The following PCYOX1 variants were observed in gnomAD, a reference collection of about 807,000 sequenced individuals.
PCYOX1 encodes the protein prenylcysteine lyase.
In PCYOX1, 46 loss-of-function variants were observed where a neutral mutation model predicts 46.4. That is an observed-to-expected ratio of 0.99 (90% confidence interval 0.78 to 1.27). PCYOX1 has a LOEUF of 1.27. Ranked by LOEUF, PCYOX1 falls within the 50% of genes most tolerant of loss-of-function variation. The pLI, the probability that PCYOX1 is intolerant of heterozygous loss-of-function variation, is 0.00. For missense variants in PCYOX1, 658 were observed against 628.3 expected (o/e 1.05, Z -0.51); for synonymous variants, 220 against 231.8 (o/e 0.95, Z 0.46).
chr2:70,261,521 A>T (rs1429932876), intron 3 of PCYOX1, 135 bp downstream of exon 3: 1 of 626,898 alleles, frequency 1.6e-6, no homozygotes, highest in African/African-American at 1.8e-5. Context: ...ATTGTTAGGC[A>T]AAATGTTTTG....
chr2:70,268,447 T>TGAC (rs1220658198), intron 3 of PCYOX1, among the ~76,000 whole-genome samples: 4 of 152,148 alleles, frequency 2.6e-5, no homozygotes, highest in African/African-American at 9.6e-5. Flanking sequence ...ACTCAGAATG[T>TGAC]GACTGCATAT....
chr2:70,276,467 A>G (rs956112176), intron 5 of PCYOX1, among the ~76,000 whole-genome samples: 2 of 152,164 alleles, frequency 1.3e-5, no homozygotes, highest in African/African-American at 4.8e-5. Flanking sequence ...CGGCCTCCCA[A>G]AGTGCTGAGA....
chr2:70,271,322 C>T (rs1696598120), intron 3 of PCYOX1, among the ~76,000 whole-genome samples: 1 of 148,796 alleles, frequency 6.7e-6, no homozygotes, highest in Non-Finnish European at 1.5e-5. Context: ...TCAATGAGAC[C>T]AAATAGTTCA....
At chr2:70,261,120 A>G (rs1470212863) in intron 2 of PCYOX1, 92 bp from the exon 3 acceptor site, 1 of 734,282 alleles carries the variant, frequency 1.4e-6, no homozygotes, top group African/African-American at 1.8e-5. Context: ...GTCTCCTGAG[A>G]ACTGAGGGAA....
intron 3 of PCYOX1, among the ~76,000 whole-genome samples, chr2:70,262,816 G>C (rs1361104787): frequency 6.6e-6 from 1 of 152,070 alleles, no homozygotes; most frequent in Non-Finnish European, 1.5e-5. Context: ...ACAGTTTTAG[G>C]TACTGGAGGC....
At chr2:70,268,703 G>A (rs187781800) in intron 3 of PCYOX1, among the ~76,000 whole-genome samples, 56 of 151,976 alleles carry the variant, frequency 3.7e-4, no homozygotes, top group African/African-American at 1.2e-3. Flanking sequence ...GGAAGGCTGA[G>A]GCAAGAGAAT....
At chr2:70,258,916 C>T (rs1466700422) in intron 1 of PCYOX1, among the ~76,000 whole-genome samples, 1 of 152,208 alleles carries the variant, frequency 6.6e-6, no homozygotes, top group Non-Finnish European at 1.5e-5. Context: ...GTCTCCCTCC[C>T]GCCCCCCTTT....
At chr2:70,260,800 CTGTAGA>C (rs1696424629) in intron 2 of PCYOX1, among the ~76,000 whole-genome samples, 1 of 152,196 alleles carries the variant, frequency 6.6e-6, no homozygotes, top group African/African-American at 2.4e-5. Flanking sequence ...TCCACATCCT[CTGTAGA>C]TGCTGCCTCT....
rs1696689894 is a variant in PCYOX1 at position 70,277,494 on chromosome 2, TATC to T, written c.*105_*107del. 4.2e-6 allele frequency: 4 copies of T among 956,030 alleles called. No homozygotes were observed. The Admixed American group carries it at 7.3e-5, about 17-fold the overall frequency. The allele number at this position is 956,030 out of a possible 1,614,324, so 59.2% of individuals were successfully genotyped here. On this transcript the variant is annotated 3_prime_UTR_variant, in exon 6 of 6. Transcript: ENST00000433351. ...GATTTTGAACCAGATATTTTGCCAT[TATC>T]ATTGTTTAATAAAAGTAATCCCTGC...
intron 3 of PCYOX1, among the ~76,000 whole-genome samples, chr2:70,262,237 C>T (rs1490068403): frequency 6.6e-6 from 1 of 152,050 alleles, no homozygotes; most frequent in Non-Finnish European, 1.5e-5. Context: ...TCGATATTGG[C>T]TCACTGCAAC....
intron 4 of PCYOX1, 95 bp downstream of exon 4, chr2:70,275,265 C>T (rs1696654290): frequency 9.1e-7 from 1 of 1,095,656 alleles, no homozygotes; most frequent in Admixed American, 1.8e-5. Context: ...GGATTGGAGG[C>T]TACTTTTCTC....
At chr2:70,262,655 ATT>A (rs1210348206) in intron 3 of PCYOX1, among the ~76,000 whole-genome samples, 1 of 150,586 alleles carries the variant, frequency 6.6e-6, no homozygotes, top group Non-Finnish European at 1.5e-5. Flanking sequence ...AATTTTTTGT[ATT>A]TTTAGTAGAG....
intron 3 of PCYOX1, among the ~76,000 whole-genome samples, chr2:70,265,794 C>T (rs1232032104): frequency 6.6e-6 from 1 of 152,098 alleles, no homozygotes; most frequent in Non-Finnish European, 1.5e-5. Flanking sequence ...TTGTAAGATC[C>T]TTAACACTTC....
Position 70,277,214 on chromosome 2 carries a change from C to A in PCYOX1, c.1340C>A (p.Ser447Tyr), listed in dbSNP as rs750436202. Residue 447 changes from serine (S) to tyrosine (Y), a missense_variant, in exon 6 of 6, where the codon TCT becomes TAT. By Grantham distance (144) the Ser-to-Tyr change is moderately radical (BLOSUM62 -2). Transcript: ENST00000433351. ...TATAAGCCCCCGGAGAAATGCCCCT[C>A]TATCATTCTCCATGATCGACTTTAT... ...PHYKPPEKCP[S>Y]IILHDRLYYL... 6.2e-7 allele frequency: 1 copy of A among 1,614,006 alleles called. No individual in the cohort carries two copies. Among genetic ancestry groups the A allele is most frequent in the African/African-American group, 1.3e-5 (1 of 74,932 alleles).
intron 3 of PCYOX1, among the ~76,000 whole-genome samples, chr2:70,267,855 A>G (rs1419368496): frequency 6.6e-6 from 1 of 152,088 alleles, no homozygotes; most frequent in Non-Finnish European, 1.5e-5. Context: ...TCTGTCACCC[A>G]GGCTGGAGTG....
chr2:70,260,165 G>A (rs1007001549), intron 2 of PCYOX1, among the ~76,000 whole-genome samples: 3 of 152,204 alleles, frequency 2.0e-5, no homozygotes, highest in African/African-American at 7.2e-5. Flanking sequence ...ATCAGAGAAG[G>A]TTTGGAGATA....
intron 4 of PCYOX1, 103 bp downstream of exon 4, chr2:70,275,273 C>T: frequency 1.9e-6 from 2 of 1,027,492 alleles, no homozygotes. Context: ...GGCTACTTTT[C>T]TCTGTGAACC....
chr2:70,274,568 C>CT (rs201522757), intron 3 of PCYOX1, among the ~76,000 whole-genome samples: 7,627 of 94,320 alleles, frequency 0.081, 258 homozygotes, highest in East Asian at 0.22. Context: ...TTTTTTTTTT[C>CT]TTTTTTTTTT....
At chr2:70,266,981 C>G (rs546121832) in intron 3 of PCYOX1, among the ~76,000 whole-genome samples, 16 of 152,178 alleles carry the variant, frequency 1.1e-4, no homozygotes, top group Non-Finnish European at 2.4e-4. Context: ...CTATTGGGTA[C>G]ACCTCCCAGA....
Sources: gnomAD v4.1 joint callset for allele counts (sites outside exome capture counted in the v4.1 genomes callset) on GRCh38, gnomAD v4.1.1 for gene constraint, MANE v1.5 for transcripts, NCBI Gene and HGNC (gene_info 2026-07-23, HGNC 2026-07-21) for gene names.